The following KIAA0586 variants were observed in gnomAD, a reference collection of about 807,000 sequenced individuals.
KIAA0586 encodes the protein protein TALPID3.
A neutral mutation model predicts 169.8 loss-of-function variants in KIAA0586; 144 were observed. The ratio of observed to expected loss-of-function variants is 0.85; its 90% CI spans 0.74 to 0.97. The LOEUF (loss-of-function observed/expected upper bound fraction) is 0.97, where lower values mean the gene tolerates loss of function less well. Ranked by LOEUF, KIAA0586 falls within the 50% of genes least tolerant of loss-of-function variation. The pLI, the probability that KIAA0586 is intolerant of heterozygous loss-of-function variation, is 0.00. For missense variants in KIAA0586, 1,854 were observed against 1,823.0 expected, an observed-to-expected ratio of 1.02 and a Z score of -0.31; for synonymous variants, 625 against 612.4, an observed-to-expected ratio of 1.02 and a Z score of -0.30.
intron 18 of KIAA0586, among the ~76,000 whole-genome samples, chr14:58,474,160 G>A (rs187519837): frequency 6.6e-6 from 1 of 152,178 alleles, no homozygotes; most frequent in East Asian, 1.9e-4. Context: ...CCATTCATGA[G>A]GGATCTGCCC....
At chr14:58,474,217 A>T (rs751280646) in intron 18 of KIAA0586, among the ~76,000 whole-genome samples, 3 of 152,194 alleles carry the variant, frequency 2.0e-5, no homozygotes, top group Non-Finnish European at 2.9e-5. Context: ...AACACTGGGG[A>T]TCACACTTCA....
At chr14:58,555,000 C>G (rs1195617801), downstream of KIAA0586, among the ~76,000 whole-genome samples, 1 of 151,992 alleles carries the variant, frequency 6.6e-6, no homozygotes, top group Admixed American at 6.6e-5. Flanking sequence ...AAATGAGTTC[C>G]ACAGTCACTG....
intron 29 of KIAA0586, among the ~76,000 whole-genome samples, chr14:58,517,886 G>A (rs758182423): frequency 6.6e-6 from 1 of 152,126 alleles, no homozygotes; most frequent in Non-Finnish European, 1.5e-5. Flanking sequence ...GCTACATACT[G>A]TATGATTCCA....
At chr14:58,485,459 G>T (rs1229494434) in intron 21 of KIAA0586, among the ~76,000 whole-genome samples, 3 of 152,082 alleles carry the variant, frequency 2.0e-5, no homozygotes, top group Non-Finnish European at 4.4e-5. Context: ...GTAAAATCTT[G>T]TAGTAGGAAA....
downstream of KIAA0586, among the ~76,000 whole-genome samples, chr14:58,552,516 T>C (rs2047219855): frequency 6.6e-6 from 1 of 152,174 alleles, no homozygotes; most frequent in Non-Finnish European, 1.5e-5. Context: ...TGGGTCTTTA[T>C]AGTATGAATG....
intron 27 of KIAA0586, among the ~76,000 whole-genome samples, chr14:58,508,046 A>G (rs1449284773): frequency 6.6e-6 from 1 of 152,140 alleles, no homozygotes; most frequent in Non-Finnish European, 1.5e-5. Context: ...AGCTTCCCAA[A>G]GTGCTGGATT....
chr14:58,531,162 C>CA (rs749963379), intron 29 of KIAA0586, among the ~76,000 whole-genome samples: 1,162 of 104,060 alleles, frequency 0.011, 13 homozygotes, highest in African/African-American at 0.032. Flanking sequence ...CTAAAATGTA[C>CA]AAAAAAAAAA....
chr14:58,539,140 C>T (rs890647607), intron 29 of KIAA0586, among the ~76,000 whole-genome samples: 2 of 152,174 alleles, frequency 1.3e-5, no homozygotes, highest in Non-Finnish European at 2.9e-5. Context: ...CTTTCTGTGT[C>T]TGGTTTATTT....
At chr14:58,531,422 C>A (rs185870234) in intron 29 of KIAA0586, among the ~76,000 whole-genome samples, 1 of 151,768 alleles carries the variant, frequency 6.6e-6, no homozygotes, top group African/African-American at 2.4e-5. Flanking sequence ...ATGTGGCCAA[C>A]AAAGATCTGA....
intron 21 of KIAA0586, 29 bp from the exon 22 acceptor site, chr14:58,486,978 C>T (rs763974660): frequency 6.5e-7 from 1 of 1,539,600 alleles, no homozygotes; most frequent in Non-Finnish European, 8.8e-7. Flanking sequence ...TGATTATAAA[C>T]ACAGTTTATC....
At chr14:58,488,173 T>C (rs948294378) in intron 23 of KIAA0586, 64 bp downstream of exon 23, 8 of 1,228,012 alleles carry the variant, frequency 6.5e-6, no homozygotes, top group Non-Finnish European at 9.2e-6. Flanking sequence ...ATGTGATCCA[T>C]TGAAAACATA....
chr14:58,475,960 C>T (rs896194431), intron 19 of KIAA0586, among the ~76,000 whole-genome samples: 8 of 151,898 alleles, frequency 5.3e-5, no homozygotes, highest in African/African-American at 9.7e-5. Flanking sequence ...AAATTAGGTG[C>T]GATGGTGCAC....
In KIAA0586 at chr14:58,430,057, T is replaced by A. The variant is rs74055694; in HGVS notation, c.271-591T>A. ...TGAAGCTGGCAAACTAATAATTCAA[T>A]TGAGACTATATGACAATTTTGTCAA... is the stretch of plus-strand genomic sequence containing the variant. On this transcript the variant is annotated intron_variant, in intron 2 of 30. Coordinates refer to ENST00000652326, the MANE Select transcript of KIAA0586 (RefSeq NM_001329943.3). Among the ~76,000 whole-genome samples the A allele has an allele frequency of 3.4e-3, 513 of 152,306 alleles. 2 individuals carry two copies. Among genetic ancestry groups the A allele is most frequent in the African/African-American group, 0.012 (490 of 41,580 alleles).
chr14:58,534,235 A>G (rs2046151600), intron 29 of KIAA0586, among the ~76,000 whole-genome samples: 1 of 152,334 alleles, frequency 6.6e-6, no homozygotes, highest in East Asian at 1.9e-4. Context: ...TTACTTTGCC[A>G]TCAGCTTTGG....
the KIAA0586 span, among the ~76,000 whole-genome samples, chr14:58,562,009 C>T: frequency 6.6e-6 from 1 of 152,326 alleles, no homozygotes; most frequent in Non-Finnish European, 1.5e-5. Context: ...AACAAAGTCA[C>T]GTGTCTCCTT....
chr14:58,496,886 T>A (rs368979575), intron 26 of KIAA0586, among the ~76,000 whole-genome samples: 77 of 152,306 alleles, frequency 5.1e-4, no homozygotes, highest in African/African-American at 1.8e-3. Flanking sequence ...TACTAGTGAT[T>A]AGGATATATA....
rs1254855224 is a variant in KIAA0586, at chr14:58,550,304, T to A, written c.*2372T>A. 1.3e-5 allele frequency: 2 copies of A among 152,198 alleles called. No homozygotes were observed. The highest frequency in any genetic ancestry group is 2.9e-5 in the Non-Finnish European group (2 of 68,074). 9.4% of individuals were successfully genotyped at this position (152,198 alleles called of 1,614,324 possible). On this transcript the variant is annotated 3_prime_UTR_variant, in exon 31 of 31. Transcript: ENST00000652326. ...TGAGCCACCGCGCCCGGCATTCATC[T>A]AGTATTTTGTTTTATAGGATTATTT...
At chr14:58,488,472 AC>A in intron 23 of KIAA0586, 148 bp from the exon 24 acceptor site, 9 of 857,292 alleles carry the variant, frequency 1.0e-5, no homozygotes, top group Non-Finnish European at 1.6e-5. Flanking sequence ...CATGAAAACA[AC>A]TTTTAAAAAT....
intron 30 of KIAA0586, chr14:58,543,744 A>G (rs755740118): frequency 4.9e-5 from 17 of 346,502 alleles, no homozygotes; most frequent in Non-Finnish European, 7.9e-5. Context: ...TCCATCCAAA[A>G]TATCTTGACC....
Sources: gnomAD v4.1 joint callset for allele counts (sites outside exome capture counted in the v4.1 genomes callset) on GRCh38, gnomAD v4.1.1 for gene constraint, MANE v1.5 for transcripts, NCBI Gene and HGNC (gene_info 2026-07-23, HGNC 2026-07-21) for gene names.